Variants in OPRM1 observed in about 807,000 individuals in gnomAD.
OPRM1 encodes the protein mu-type opioid receptor.
Under a neutral mutation model 31.8 loss-of-function variants are expected in OPRM1, and 27 were observed. The observed-to-expected ratio is 0.85, with a 90% CI of 0.63 to 1.17. The LOEUF (loss-of-function observed/expected upper bound fraction) is 1.17. OPRM1 is among the 50% of genes most tolerant of loss of function. The probability of loss-of-function intolerance (pLI) is 0.00; values close to 1 mark genes in which losing one functional copy is unlikely to be tolerated. For missense variants in OPRM1, 536 were observed against 511.1 expected (o/e 1.05, Z -0.47); for synonymous variants, 196 against 189.9 (o/e 1.03, Z -0.26).
intron 3 of OPRM1, among the ~76,000 whole-genome samples, chr6:154,097,832 G>A (rs1162871682): frequency 6.6e-6 from 1 of 152,112 alleles, no homozygotes; most frequent in East Asian, 1.9e-4. Flanking sequence ...TGTCTGGGAT[G>A]GGATATCTTA....
At chr6:154,104,619 T>C (rs866472342) in intron 3 of OPRM1, among the ~76,000 whole-genome samples, 4 of 152,352 alleles carry the variant, frequency 2.6e-5, no homozygotes, top group Non-Finnish European at 4.4e-5. Flanking sequence ...TAATAACAAG[T>C]GTACCATAGT....
intron 3 of OPRM1, chr6:154,167,933 T>C: frequency 6.3e-7 from 1 of 1,595,274 alleles, no homozygotes; most frequent in Non-Finnish European, 8.6e-7. Context: ...TAATGTGCTA[T>C]TCAATGTTCG....
At chr6:154,178,497 C>CT (rs1471410278) in intron 3 of OPRM1, among the ~76,000 whole-genome samples, 1 of 152,046 alleles carries the variant, frequency 6.6e-6, no homozygotes, top group African/African-American at 2.4e-5. Flanking sequence ...CGAAGGGTAT[C>CT]TTCCTCCCCC....
chr6:154,015,941 C>G (rs1448157300), intron 1 of OPRM1, among the ~76,000 whole-genome samples: 2 of 151,766 alleles, frequency 1.3e-5, no homozygotes, highest in African/African-American at 4.8e-5. Flanking sequence ...AGCACAAATC[C>G]AAGAGGTTGA....
intron 3 of OPRM1, chr6:154,158,276 A>G (rs1156907066): frequency 6.6e-6 from 1 of 152,220 alleles, no homozygotes; most frequent in South Asian, 2.1e-4. Context: ...AGGCAGGGCC[A>G]ACATGGGTAC....
chr6:154,128,836 G>T lies in OPRM1; in HGVS notation c.*10115G>T, dbSNP rs1797732368. Among the ~76,000 whole-genome samples the T allele has an allele frequency of 6.6e-6, 1 of 152,132 alleles. No individual in the cohort carries two copies. Among genetic ancestry groups the T allele is most frequent in the African/African-American group, 2.4e-5 (1 of 41,418 alleles). ...TGACATAAATTTAAAAACTAGTATT[G>T]TTTCTTCTAGCTCTGTTTTTGCATA... On this transcript the variant is annotated 3_prime_UTR_variant, in exon 4 of 4. Transcript: ENST00000330432.
chr6:154,011,830 C>T (rs1278559021), intron 1 of OPRM1, among the ~76,000 whole-genome samples: 1 of 152,002 alleles, frequency 6.6e-6, no homozygotes, highest in Non-Finnish European at 1.5e-5. Context: ...TATGTCACAT[C>T]AATGTTTGCA....
At chr6:154,044,221 GGTGA>G (rs1199668135) in intron 1 of OPRM1, among the ~76,000 whole-genome samples, 1 of 151,950 alleles carries the variant, frequency 6.6e-6, no homozygotes, top group East Asian at 1.9e-4. Flanking sequence ...TAAATTTAGT[GGTGA>G]GTTATTCACA....
chr6:154,049,840 A>G (rs1021519798), intron 1 of OPRM1, among the ~76,000 whole-genome samples: 1 of 152,228 alleles, frequency 6.6e-6, no homozygotes, highest in Non-Finnish European at 1.5e-5. Context: ...CCATCCTTGC[A>G]TCCCAAGGAT....
At position 154,145,132 on chromosome 6, in the gene OPRM1, C is replaced by T. The variant is rs140138184; in HGVS notation, c.1164+53660C>T. ...CTTATTCAAGAAAATGCCAGAAGTT[C>T]TAGTTAGTGCAATAAGACAAGAGAA... On this transcript the variant is annotated intron_variant, in intron 3 of 3. Coordinates refer to the OPRM1 transcript ENST00000337049. Among the ~76,000 whole-genome samples the T allele has an allele frequency of 3.9e-5, 6 of 152,208 alleles. No homozygotes were observed. The South Asian group carries it at 8.3e-4, about 21-fold the overall frequency.
At chr6:154,160,687 G>A (rs539928797) in intron 3 of OPRM1, among the ~76,000 whole-genome samples, 7 of 152,178 alleles carry the variant, frequency 4.6e-5, no homozygotes, top group Middle Eastern at 3.4e-3. Context: ...GTCTAGCTCA[G>A]GTTAGAGTTT....
chr6:154,092,467 G>C (rs1234861953), intron 3 of OPRM1, among the ~76,000 whole-genome samples: 1 of 152,170 alleles, frequency 6.6e-6, no homozygotes, highest in Non-Finnish European at 1.5e-5. Flanking sequence ...TTCCTATGAA[G>C]TAAAGGCTGG....
chr6:154,171,121 C>A (rs1300390160), intron 3 of OPRM1, among the ~76,000 whole-genome samples: 1 of 152,020 alleles, frequency 6.6e-6, no homozygotes, highest in Non-Finnish European at 1.5e-5. Context: ...TACATAAATA[C>A]CCAAGAGAAT....
intron 3 of OPRM1, chr6:154,092,051 A>G (rs990469542): frequency 3.4e-6 from 1 of 296,410 alleles, no homozygotes; most frequent in African/African-American, 2.3e-5. Context: ...CAAACATATT[A>G]GACTGAATAA....
In OPRM1 at chr6:154,132,312, A is replaced by G. The variant is rs1445936616; in HGVS notation, c.*13591A>G. Reference sequence around the variant, plus strand: ...TGTAAGTTTCCTGCATGTAATATGTAATGTGTAATTATATGTGATAAATAA... The same window carrying G: ...TGTAAGTTTCCTGCATGTAATATGTGATGTGTAATTATATGTGATAAATAA... On this transcript the variant is annotated 3_prime_UTR_variant, in exon 4 of 4. Transcript: ENST00000330432. Among the ~76,000 whole-genome samples, 1 of 152,226 alleles carries G rather than the reference A, an allele frequency of 6.6e-6. No individual in the cohort carries two copies. The highest frequency in any genetic ancestry group is 6.5e-5 in the Admixed American group (1 of 15,272).
chr6:154,106,579 C>T (rs1795605654), intron 3 of OPRM1, among the ~76,000 whole-genome samples: 2 of 152,254 alleles, frequency 1.3e-5, no homozygotes, highest in Non-Finnish European at 2.9e-5. Context: ...CAAATCCTTT[C>T]ATCACTCACA....
At position 154,039,603 on chromosome 6, in the gene OPRM1, C is replaced by G; in HGVS notation, c.59C>G (p.Ser20Ter). ...AATTGCACTGATGCCTTGGCGTACT[C>G]AAGTTGCTCCCCAGCACCCAGCCCC... ...ASNCTDALAYSSCSPAPSPGS... is the reference protein window; with the variant it reads ...ASNCTDALAY Residue 20 changes from serine to a stop codon, truncating the protein, a stop_gained, in exon 1 of 4, where the codon TCA (serine) becomes TGA (stop). Coordinates refer to ENST00000330432, the MANE Select transcript of OPRM1 (RefSeq NM_000914.5). LOFTEE classifies it high-confidence loss of function. The G allele has an allele frequency of 6.2e-7, 1 of 1,614,012 alleles. No homozygotes were observed. The highest frequency in any genetic ancestry group is 1.3e-5 in the African/African-American group (1 of 75,072).
At chr6:154,046,096 C>A (rs528314894) in intron 1 of OPRM1, among the ~76,000 whole-genome samples, 1 of 152,156 alleles carries the variant, frequency 6.6e-6, no homozygotes, top group Non-Finnish European at 1.5e-5. Context: ...GGTGACTATA[C>A]GTTAGCACAG....
intron 3 of OPRM1, among the ~76,000 whole-genome samples, chr6:154,226,928 G>A (rs1218886769): frequency 6.6e-6 from 1 of 152,216 alleles, no homozygotes; most frequent in Non-Finnish European, 1.5e-5. Flanking sequence ...CAGGCGCAGT[G>A]GCTCACGCCT....
Sources: gnomAD v4.1 joint callset for allele counts (sites outside exome capture counted in the v4.1 genomes callset) on GRCh38, gnomAD v4.1.1 for gene constraint, MANE v1.5 for transcripts, NCBI Gene and HGNC (gene_info 2026-07-23, HGNC 2026-07-21) for gene names.